DCN: variants seen among roughly 807,000 people sequenced by gnomAD.
The protein encoded by DCN is bone proteoglycan II.
In DCN, 17 loss-of-function variants were observed where a neutral mutation model predicts 36.5. That is an observed-to-expected ratio of 0.47 (90% CI 0.32 to 0.70). The LOEUF (loss-of-function observed/expected upper bound fraction) is 0.70. DCN is among the 30% of genes least tolerant of loss of function. The pLI, the probability that DCN is intolerant of heterozygous loss-of-function variation, is 0.04. For synonymous variants in DCN, 163 were observed against 161.4 expected, an observed-to-expected ratio of 1.01 and a Z score of -0.07; for missense variants, 389 against 430.1, an observed-to-expected ratio of 0.90 and a Z score of 0.84.
chr12:91,177,571 T>C, intron 2 of DCN: 1 of 702,336 alleles, frequency 1.4e-6, no homozygotes, highest in Admixed American at 2.0e-5. Context: ...CTTCAATCTT[T>C]CTGGAGATTT....
chr12:91,153,972 T>G (rs1488442450), intron 5 of DCN, among the ~76,000 whole-genome samples: 1 of 152,152 alleles, frequency 6.6e-6, no homozygotes, highest in Non-Finnish European at 1.5e-5. Context: ...GAGGCTGTAT[T>G]ATATTTTATA....
chr12:91,156,676 C>T (rs3138247), intron 5 of DCN, among the ~76,000 whole-genome samples: 2,566 of 149,976 alleles, frequency 0.017, 70 homozygotes, highest in African/African-American at 0.059. Context: ...GGATCAATTT[C>T]AGAGGTACTC....
chr12:91,146,239 T>G lies in DCN; in HGVS notation c.899A>C (p.His300Pro), dbSNP rs1380430492. Reference protein sequence around the residue: ...EHKYIQVVYLHNNNISVVGSS... With the variant: ...EHKYIQVVYLPNNNISVVGSS... ...TCCAACTACAGAGATATTGTTGTTA[T>G]GAAGGTAGACAACCTACAACATGAA... is the stretch of plus-strand genomic sequence containing the variant. Residue 300 changes from histidine (H) to proline (P), a missense_variant, in exon 8 of 8, where the codon CAT becomes CCT. Transcript: ENST00000052754. 1 of 1,605,506 alleles carries G rather than the reference T, an allele frequency of 6.2e-7. No homozygotes were observed. The highest frequency in any genetic ancestry group is 1.3e-5 in the African/African-American group (1 of 74,770).
At chr12:91,179,800 C>T (rs1312819585) in intron 1 of DCN, 5 of 152,116 alleles carry the variant, frequency 3.3e-5, no homozygotes, top group African/African-American at 1.2e-4. Flanking sequence ...AAAAATAAAT[C>T]AATTTCCTAG....
intron 2 of DCN, chr12:91,169,789 C>G (rs946118454): frequency 4.5e-5 from 7 of 155,590 alleles, no homozygotes; most frequent in Non-Finnish European, 9.9e-5. Flanking sequence ...TGAGGCCGGG[C>G]GCGGTGACTC....
intron 2 of DCN, among the ~76,000 whole-genome samples, chr12:91,167,462 C>G (rs1187116342): frequency 2.1e-5 from 3 of 143,278 alleles, no homozygotes; most frequent in African/African-American, 8.9e-5. Flanking sequence ...CACACACACA[C>G]AGACAGACAG....
At chr12:91,146,617 G>A (rs1881045663) in intron 7 of DCN, among the ~76,000 whole-genome samples, 2 of 152,108 alleles carry the variant, frequency 1.3e-5, no homozygotes, top group Non-Finnish European at 2.9e-5. Context: ...GCCTCCTGAA[G>A]TGCTTGGATT....
rs1298211372 is a variant in DCN, at chr12:91,145,046, A to G, written c.*1012T>C. 6.6e-6 allele frequency: 1 copy of G among 152,220 alleles called. No individual in the cohort carries two copies. Among genetic ancestry groups the G allele is most frequent in the Non-Finnish European group, 1.5e-5 (1 of 68,042 alleles). The allele number at this position is 152,220 out of a possible 1,614,324, so 9.4% of individuals were successfully genotyped here. A position where few individuals can be genotyped will look rare whatever the true frequency, so the allele number is the denominator to read the frequency against. ...CATAGAAGACAGAAACTATTTTCAC[A>G]TATTTGCTTATTAATTGTTGATAGC... On this transcript the variant is annotated 3_prime_UTR_variant, in exon 8 of 8. Transcript: ENST00000052754.
chr12:91,164,424 GA>G, intron 3 of DCN, among the ~76,000 whole-genome samples, 180 bp downstream of exon 3: 1 of 51,404 alleles, frequency 1.9e-5, no homozygotes, highest in South Asian at 5.8e-4. Context: ...AAAAGAAAAA[GA>G]AAAACAGTGT....
chr12:91,181,370 T>C (rs1208219292), intron 1 of DCN, among the ~76,000 whole-genome samples: 1 of 152,088 alleles, frequency 6.6e-6, no homozygotes, highest in Non-Finnish European at 1.5e-5. Flanking sequence ...ATACTGATAA[T>C]TCCTTTCGTC....
intron 2 of DCN, chr12:91,177,886 A>T: frequency 2.0e-6 from 1 of 491,104 alleles, no homozygotes; most frequent in Non-Finnish European, 3.7e-6. Context: ...TGATTATTTT[A>T]CAATTTAGTA....
At chr12:91,174,490 C>T (rs1484905113) in intron 2 of DCN, among the ~76,000 whole-genome samples, 1 of 151,962 alleles carries the variant, frequency 6.6e-6, no homozygotes, top group Non-Finnish European at 1.5e-5. Context: ...CTCATTAATA[C>T]ATAAAAATAA....
chr12:91,160,677 T>C (rs944112029), intron 3 of DCN, among the ~76,000 whole-genome samples: 13 of 152,250 alleles, frequency 8.5e-5, no homozygotes, highest in African/African-American at 3.1e-4. Flanking sequence ...GTATATAAGG[T>C]ACTAAGAATA....
At position 91,158,373 on chromosome 12, in the gene DCN, T is replaced by C; in HGVS notation, c.461A>G (p.Glu154Gly). 1.2e-6 allele frequency: 2 copies of C among 1,613,732 alleles called. No individual in the cohort carries two copies. Among genetic ancestry groups the C allele is most frequent in the Non-Finnish European group, 1.7e-6 (2 of 1,179,628 alleles). Residue 154 changes from glutamate (E) to glycine (G), a missense_variant, in exon 4 of 8, where the codon GAG becomes GGG. Physicochemically the swap from Glu to Gly is moderately conservative, Grantham distance 98 (BLOSUM62 -2). Coordinates refer to ENST00000052754, the MANE Select transcript of DCN (RefSeq NM_001920.5). ...LPEKMPKTLQ[E>G]LRAHENEITK... is the part of the protein sequence containing the mutation. ...GATCTCATTCTCATGGGCACGCAGC[T>C]CCTGAAGAGTTTTGGGCATTTTTTC...
intron 3 of DCN, among the ~76,000 whole-genome samples, chr12:91,159,943 T>C (rs950078300): frequency 6.6e-6 from 1 of 152,104 alleles, no homozygotes. Flanking sequence ...AAAGCGAGTA[T>C]TTTTAGTCTC....
At chr12:91,152,801 TAAATGCACATATTG>T (rs988925581) in intron 6 of DCN, among the ~76,000 whole-genome samples, 1 of 152,136 alleles carries the variant, frequency 6.6e-6, no homozygotes, top group African/African-American at 2.4e-5. Flanking sequence ...TAGAACATAT[TAAATGCACATATTG>T]ATTTAATCAC....
chr12:91,160,745 A>T (rs1325013609), intron 3 of DCN, among the ~76,000 whole-genome samples: 1 of 152,186 alleles, frequency 6.6e-6, no homozygotes, highest in Admixed American at 6.5e-5. Context: ...AGTCTTTGAC[A>T]ATTTTTGCTG....
At chr12:91,177,885 T>G in intron 2 of DCN, 1 of 490,902 alleles carries the variant, frequency 2.0e-6, no homozygotes, top group Non-Finnish European at 3.7e-6. Context: ...CTGATTATTT[T>G]ACAATTTAGT....
At chr12:91,173,882 A>C (rs1401379078) in intron 2 of DCN, among the ~76,000 whole-genome samples, 1 of 152,192 alleles carries the variant, frequency 6.6e-6, no homozygotes, top group Admixed American at 6.5e-5. Context: ...CTTCTGACAA[A>C]ATTTTTCACC....
Sources: allele counts gnomAD v4.1 joint callset (sites outside exome capture counted in the v4.1 genomes callset), GRCh38; gene constraint gnomAD v4.1.1; transcripts MANE v1.5; gene names NCBI Gene and HGNC (gene_info 2026-07-23, HGNC 2026-07-21).